RAB39A: variants seen among roughly 807,000 people sequenced by gnomAD.
The protein encoded by RAB39A is RAB39A, member RAS oncogene family.
A neutral mutation model predicts 20.9 loss-of-function variants in RAB39A; 17 were observed. That is an observed-to-expected ratio of 0.81 (90% CI 0.56 to 1.22). The LOEUF (loss-of-function observed/expected upper bound fraction) is 1.22. RAB39A is among the 50% of genes most tolerant of loss of function. RAB39A has a pLI of 0.00. For synonymous variants in RAB39A, 99 were observed against 103.4 expected, an observed-to-expected ratio of 0.96 and a Z score of 0.26; for missense variants, 234 against 270.5, an observed-to-expected ratio of 0.87 and a Z score of 0.95.
chr11:107,935,282 A>G (rs973199630), intron 1 of RAB39A, among the ~76,000 whole-genome samples: 1 of 152,168 alleles, frequency 6.6e-6, no homozygotes, highest in Admixed American at 6.5e-5. Context: ...TAGCAGGAGG[A>G]ACGCATCCGC....
intron 1 of RAB39A, among the ~76,000 whole-genome samples, chr11:107,959,492 A>G (rs1861473547): frequency 6.6e-6 from 1 of 152,142 alleles, no homozygotes; most frequent in African/African-American, 2.4e-5. Flanking sequence ...CTTATTGTCA[A>G]TTTCTTTTCT....
At chr11:107,942,571 G>C (rs1861270494) in intron 1 of RAB39A, among the ~76,000 whole-genome samples, 1 of 152,114 alleles carries the variant, frequency 6.6e-6, no homozygotes, top group Non-Finnish European at 1.5e-5. Flanking sequence ...TGATCCTCCT[G>C]CCTCAGCCTT....
rs1861509966 is a variant in RAB39A at position 107,962,549 on chromosome 11, T to G, written c.*177T>G. ...ATGCTTACTTGTTACACTACTAGAT[T>G]GGGTATTTTGCTAAATTACCAAGCA... On this transcript the variant is annotated 3_prime_UTR_variant, in exon 2 of 2. Transcript: ENST00000320578. 2 of 553,504 alleles carry G rather than the reference T, an allele frequency of 3.6e-6. No individual in the cohort carries two copies. Among genetic ancestry groups the G allele is most frequent in the South Asian group, 5.0e-5 (1 of 19,812 alleles). 34.3% of individuals were successfully genotyped at this position (553,504 alleles called of 1,614,324 possible).
chr11:107,931,867 T>TTC (rs1861141090), intron 1 of RAB39A, among the ~76,000 whole-genome samples: 1 of 146,812 alleles, frequency 6.8e-6, no homozygotes, highest in African/African-American at 2.5e-5. Context: ...TTCCTTCTTT[T>TTC]TTTTTTTTTT....
chr11:107,939,666 G>C (rs1188407806), intron 1 of RAB39A, among the ~76,000 whole-genome samples: 1 of 151,758 alleles, frequency 6.6e-6, no homozygotes. Flanking sequence ...GACCTGCCTG[G>C]AGTATTTATA....
intron 1 of RAB39A, among the ~76,000 whole-genome samples, chr11:107,958,316 T>C (rs990684434): frequency 2.6e-5 from 4 of 152,188 alleles, no homozygotes; most frequent in African/African-American, 9.7e-5. Flanking sequence ...GAGGCCTCCC[T>C]ACCTAGTGCT....
chr11:107,957,430 G>C (rs778621675), intron 1 of RAB39A, among the ~76,000 whole-genome samples: 1 of 152,230 alleles, frequency 6.6e-6, no homozygotes, highest in East Asian at 1.9e-4. Context: ...AATGGGCAAC[G>C]TGAGTGTGCT....
intron 1 of RAB39A, among the ~76,000 whole-genome samples, chr11:107,938,160 C>T (rs558146867): frequency 1.3e-5 from 2 of 151,672 alleles, no homozygotes; most frequent in East Asian, 1.9e-4. Flanking sequence ...GTCAGGAGTT[C>T]GAGGCCAGCC....
intron 1 of RAB39A, among the ~76,000 whole-genome samples, chr11:107,946,454 ATATATATTTTTTT>A (rs1432950251): frequency 6.9e-4 from 43 of 61,920 alleles, no homozygotes; most frequent in Non-Finnish European, 1.0e-3. Context: ...ATATATATAT[ATATATATTTTTTT>A]TTTTTTTTTT....
chr11:107,947,644 C>A (rs1209207470), intron 1 of RAB39A, among the ~76,000 whole-genome samples: 1 of 151,656 alleles, frequency 6.6e-6, no homozygotes, highest in African/African-American at 2.4e-5. Flanking sequence ...ACTGGAACCA[C>A]AGAGAAGTTC....
At chr11:107,946,298 G>C (rs1861306875) in intron 1 of RAB39A, among the ~76,000 whole-genome samples, 1 of 118,626 alleles carries the variant, frequency 8.4e-6, no homozygotes, top group Non-Finnish European at 1.7e-5. Flanking sequence ...AACCATAAAG[G>C]AACAGGATAC....
chr11:107,952,303 C>T (rs7113897), intron 1 of RAB39A, among the ~76,000 whole-genome samples: 91,312 of 152,094 alleles, frequency 0.6, 27,610 homozygotes, highest in East Asian at 0.78. Flanking sequence ...CCAGTCAGGC[C>T]AGGCCTGGTG....
chr11:107,946,365 T>A (rs11212451), intron 1 of RAB39A, among the ~76,000 whole-genome samples: 1 of 133,530 alleles, frequency 7.5e-6, no homozygotes, highest in African/African-American at 2.8e-5. Flanking sequence ...CACACACATA[T>A]ATATACACAC....
At chr11:107,950,525 C>T (rs897520693) in intron 1 of RAB39A, among the ~76,000 whole-genome samples, 5 of 151,912 alleles carry the variant, frequency 3.3e-5, no homozygotes, top group African/African-American at 4.8e-5. Flanking sequence ...CCAGCACTTT[C>T]GGAGGCCAGG....
chr11:107,943,105 G>C (rs61906951), intron 1 of RAB39A, among the ~76,000 whole-genome samples: 1 of 152,290 alleles, frequency 6.6e-6, no homozygotes, highest in African/African-American at 2.4e-5. Flanking sequence ...CTTTAACACT[G>C]AAGTGGAGAA....
At position 107,928,711 on chromosome 11, in the gene RAB39A, ACTT is replaced by A. The variant is rs1301461645; in HGVS notation, c.149_151del (p.Phe50del). 1.3e-5 allele frequency: 21 copies of A among 1,610,932 alleles called. No individual in the cohort carries two copies. Among genetic ancestry groups the A allele is most frequent in the East Asian group, 2.2e-5 (1 of 44,732 alleles). The stretch of plus-strand genomic sequence containing the variant: ...GCCTGCGACCCCACCGTCGGCGTGG[ACTT>A]CTTCTCCCGCCTGCTGGAGATCGAG... On this transcript the variant is annotated inframe_deletion, in exon 1 of 2. Coordinates refer to ENST00000320578, the MANE Select transcript of RAB39A (RefSeq NM_017516.3). This position sits in a 1 kb window ranked among gnomAD's most constrained non-coding sequence, Gnocchi z 4.9.
intron 1 of RAB39A, among the ~76,000 whole-genome samples, chr11:107,953,505 G>A (rs1039437390): frequency 1.3e-5 from 2 of 152,100 alleles, no homozygotes; most frequent in South Asian, 2.1e-4. Flanking sequence ...CCCCCTTTCT[G>A]CCTGCTCACC....
intron 1 of RAB39A, among the ~76,000 whole-genome samples, chr11:107,955,892 AT>A (rs571618950): frequency 2.0e-3 from 288 of 146,688 alleles, no homozygotes; most frequent in Middle Eastern, 3.6e-3. Context: ...AGTATTATGC[AT>A]TTTTTTTTTT....
intron 1 of RAB39A, among the ~76,000 whole-genome samples, chr11:107,956,926 A>G (rs1861442864): frequency 6.6e-6 from 1 of 152,210 alleles, no homozygotes; most frequent in Non-Finnish European, 1.5e-5. Context: ...GTATTAATGG[A>G]TAGAAAGTGA....
Sources: gnomAD v4.1 joint callset for allele counts (sites outside exome capture counted in the v4.1 genomes callset) on GRCh38, gnomAD v4.1.1 for gene constraint, Gnocchi (gnomAD v3.1) non-coding constraint, MANE v1.5 for transcripts, NCBI Gene and HGNC (gene_info 2026-07-23, HGNC 2026-07-21) for gene names.